Variants in SLC23A1 observed in about 807,000 individuals in gnomAD.
The protein encoded by SLC23A1 is Na(+)/L-ascorbic acid transporter 1.
Under a neutral mutation model 62.5 loss-of-function variants are expected in SLC23A1, and 31 were observed. The ratio of observed to expected loss-of-function variants is 0.50; its 90% CI spans 0.37 to 0.67. SLC23A1 has a LOEUF of 0.67. Ranked by LOEUF, SLC23A1 falls within the 30% of genes least tolerant of loss-of-function variation. The pLI is 0.00. For missense variants in SLC23A1, 640 were observed against 782.7 expected, an observed-to-expected ratio of 0.82 and a Z score of 2.18; for synonymous variants, 271 against 313.2, an observed-to-expected ratio of 0.87 and a Z score of 1.42.
At position 139,378,138 on chromosome 5, in the gene SLC23A1, G is replaced by A. The variant is rs752011717; in HGVS notation, c.1310-20C>T. The A allele has an allele frequency of 3.7e-6, 6 of 1,614,080 alleles. No homozygotes were observed. Among genetic ancestry groups the A allele is most frequent in the Admixed American group, 1.7e-5 (1 of 60,004 alleles). ...TCATGCCTAAGGGCGCAAGAGAACG[G>A]CTGGAGGCGCCGCACACGCGTAATC... On this transcript the variant is annotated intron_variant, in intron 11 of 14. Coordinates refer to ENST00000348729, the MANE Select transcript of SLC23A1 (RefSeq NM_005847.5). This position sits in a 1 kb window ranked among gnomAD's most constrained non-coding sequence, Gnocchi z 4.5.
In SLC23A1 at chr5:139,378,965, C is replaced by G. The variant is rs570550859; in HGVS notation, c.1073+242G>C. On this transcript the variant is annotated intron_variant, in intron 9 of 14. Coordinates refer to ENST00000348729, the MANE Select transcript of SLC23A1 (RefSeq NM_005847.5). This position sits in a 1 kb window ranked among gnomAD's most constrained non-coding sequence, Gnocchi z 4.5. The stretch of plus-strand genomic sequence containing the variant: ...TTGCATAAGAATGCACAGTCAGAGC[C>G]GGGCACATGGAGGGCTGTCAATGAC... Among the ~76,000 whole-genome samples the G allele has an allele frequency of 1.3e-5, 2 of 152,294 alleles. No homozygotes were observed. Among genetic ancestry groups the G allele is most frequent in the African/African-American group, 4.8e-5 (2 of 41,566 alleles).
chr5:139,383,631 T>C (rs545379170), upstream of SLC23A1, among the ~76,000 whole-genome samples: 6 of 152,312 alleles, frequency 3.9e-5, no homozygotes, highest in East Asian at 1.2e-3. Flanking sequence ...TATGAGGCCC[T>C]TCCCCACTGA....
chr5:139,379,314 C>A lies in SLC23A1; in HGVS notation c.966G>T (p.Leu322=), dbSNP rs947985928. The A allele has an allele frequency of 1.9e-6, 3 of 1,614,054 alleles. No homozygotes were observed. In the African/African-American group the frequency reaches 4.0e-5, roughly 22 times the overall value. ...GLPTVTAAAV[L]GMFSATLAGI... ...CTGCCAGAGTGGCGCTGAACATTCC[C>A]AGGACAGCAGCCGCAGTCACCGTGG... The change falls in exon 9 of 15, where the codon CTG becomes CTT. Residue 322 remains leucine (L), a synonymous_variant. Transcript: ENST00000348729. This position sits in a 1 kb window ranked among gnomAD's most constrained non-coding sequence, Gnocchi z 4.7.
chr5:139,376,294 C>T (rs1042343491), intron 13 of SLC23A1, among the ~76,000 whole-genome samples: 4 of 151,758 alleles, frequency 2.6e-5, no homozygotes, highest in African/African-American at 9.7e-5. Flanking sequence ...CTCAGCCTCC[C>T]GAGAAGCTGG....
chr5:139,382,689 C>T, intron 1 of SLC23A1, 84 bp from the exon 2 acceptor site: 1 of 868,598 alleles, frequency 1.2e-6, no homozygotes, highest in Admixed American at 2.1e-5. Flanking sequence ...ATCAGGCAGC[C>T]CAAGTGGCTT....
chr5:139,371,990 T>C lies in SLC23A1; in HGVS notation c.*16A>G, dbSNP rs1353262486. ...AAAAACCATAGACACATCCTACCTT[T>C]CCTGGAAGTCATTTTTCAGACCTTG... On this transcript the variant is annotated 3_prime_UTR_variant, in exon 14 of 15. Coordinates refer to ENST00000348729, the MANE Select transcript of SLC23A1 (RefSeq NM_005847.5). 7.4e-6 allele frequency: 12 copies of C among 1,611,532 alleles called. 1 individual carries two copies. The highest frequency in any genetic ancestry group is 1.3e-5 in the African/African-American group (1 of 74,774).
At chr5:139,374,007 C>T (rs1352208478) in intron 13 of SLC23A1, among the ~76,000 whole-genome samples, 1 of 152,186 alleles carries the variant, frequency 6.6e-6, no homozygotes, top group Non-Finnish European at 1.5e-5. Context: ...CTCCTTTTTC[C>T]TAGGCCTCAC....
chr5:139,368,344 A>G (rs1021806069), intron 14 of SLC23A1, among the ~76,000 whole-genome samples: 19 of 151,660 alleles, frequency 1.3e-4, no homozygotes, highest in Non-Finnish European at 2.6e-4. Flanking sequence ...CGTCTCATAA[A>G]AAAAAAACTA....
intron 1 of SLC23A1, 93 bp downstream of exon 1, chr5:139,383,125 T>C: frequency 2.5e-6 from 2 of 810,094 alleles, no homozygotes; most frequent in Non-Finnish European, 3.7e-6. Context: ...CATCAGAACG[T>C]TTATCTCTGG....
At chr5:139,370,270 A>G (rs1757573485) in intron 14 of SLC23A1, among the ~76,000 whole-genome samples, 2 of 152,132 alleles carry the variant, frequency 1.3e-5, no homozygotes, top group Admixed American at 6.6e-5. Context: ...TCCCAGGTTC[A>G]AGTGATTCTC....
Position 139,369,926 on chromosome 5 carries a change from T to C in SLC23A1, c.*19+2061A>G, listed in dbSNP as rs368775655. ...TGCCCATCCTTGCTTCTTAATCACC[T>C]CAGACTTCAGTGTCAGGGGAATCCT... On this transcript the variant is annotated intron_variant, in intron 14 of 14. Transcript: ENST00000348729. Among the ~76,000 whole-genome samples the C allele has an allele frequency of 1.1e-4, 16 of 152,326 alleles. No individual in the cohort carries two copies. In the East Asian group the frequency reaches 1.2e-3, roughly 11 times the overall value.
chr5:139,384,872 G>A (rs1454265086), upstream of SLC23A1: 2 of 425,358 alleles, frequency 4.7e-6, no homozygotes, highest in Non-Finnish European at 6.3e-6. Flanking sequence ...CTTTCCTCCT[G>A]GTGTCTAGGG....
At position 139,380,328 on chromosome 5, in the gene SLC23A1, G is replaced by A. The variant is rs1324471952; in HGVS notation, c.527C>T (p.Pro176Leu). The A allele has an allele frequency of 1.2e-6, 2 of 1,610,344 alleles. No homozygotes were observed. Among genetic ancestry groups the A allele is most frequent in the Non-Finnish European group, 8.5e-7 (1 of 1,178,508 alleles). Residue 176 changes from proline (P) to leucine (L), a missense_variant, in exon 6 of 15, where the codon CCT (proline) becomes CTT (leucine). By Grantham distance (98) the Pro-to-Leu change is moderately conservative. Coordinates refer to ENST00000348729, the MANE Select transcript of SLC23A1 (RefSeq NM_005847.5). Reference sequence around the variant, plus strand: ...CCCAATGTAGTTGAGCAGGGCCCCAGGCAGCCCCAGCAGGCCAATCACCAC... The same window carrying A: ...CCCAATGTAGTTGAGCAGGGCCCCAAGCAGCCCCAGCAGGCCAATCACCAC... ...VEVVIGLLGL[P>L]GALLNYIGPL... is the part of the protein sequence containing the mutation.
intron 13 of SLC23A1, among the ~76,000 whole-genome samples, chr5:139,373,392 C>T (rs190399646): frequency 6.6e-6 from 1 of 152,186 alleles, no homozygotes; most frequent in Admixed American, 6.5e-5. Flanking sequence ...TGGCCAGGCA[C>T]TGGTGTCGAA....
At chr5:139,372,469 G>T (rs543719083) in intron 13 of SLC23A1, among the ~76,000 whole-genome samples, 1 of 152,308 alleles carries the variant, frequency 6.6e-6, no homozygotes, top group Admixed American at 6.5e-5. Context: ...TATTTATTGT[G>T]TAACTACAGT....
intron 14 of SLC23A1, chr5:139,369,137 T>G (rs545055417): frequency 1.2e-4 from 22 of 177,094 alleles, no homozygotes; most frequent in Non-Finnish European, 2.6e-4. Context: ...GTCTAAACTT[T>G]AAAATCAGTA....
At chr5:139,373,178 G>T (rs552998644) in intron 13 of SLC23A1, among the ~76,000 whole-genome samples, 2,297 of 150,616 alleles carry the variant, frequency 0.015, 34 homozygotes, top group African/African-American at 0.034. Flanking sequence ...TGTTTTTTTT[G>T]TTGTTGTTGT....
upstream of SLC23A1, among the ~76,000 whole-genome samples, chr5:139,385,517 AGTGGCTGGAATAGGT>A (rs1056987798): frequency 6.6e-6 from 1 of 152,146 alleles, no homozygotes; most frequent in African/African-American, 2.4e-5. Flanking sequence ...GATAGCATGG[AGTGGCTGGAATAGGT>A]GTGCCACAAG....
At chr5:139,370,702 C>G (rs1757609159) in intron 14 of SLC23A1, among the ~76,000 whole-genome samples, 1 of 151,802 alleles carries the variant, frequency 6.6e-6, no homozygotes, top group African/African-American at 2.4e-5. Context: ...CCATGTTGGC[C>G]AGGCTGGACT....
Sources: allele counts gnomAD v4.1 joint callset (sites outside exome capture counted in the v4.1 genomes callset), GRCh38; gene constraint gnomAD v4.1.1; non-coding constraint Gnocchi (gnomAD v3.1); transcripts MANE v1.5; gene names NCBI Gene and HGNC (gene_info 2026-07-23, HGNC 2026-07-21).